IQSEC3: variants seen among roughly 807,000 people sequenced by gnomAD.
The protein encoded by IQSEC3 is IQ motif and SEC7 domain-containing protein 3.
IQSEC3 carries 50 observed loss-of-function variants against 105.4 expected under a neutral mutation model. That is an observed-to-expected ratio of 0.47 (90% confidence interval 0.38 to 0.60). The LOEUF is 0.60. Ranked by LOEUF, IQSEC3 falls within the 20% of genes least tolerant of loss-of-function variation. The pLI, the probability that IQSEC3 is intolerant of heterozygous loss-of-function variation, is 0.00. For missense variants in IQSEC3, 1,415 were observed against 1,630.0 expected (o/e 0.87, Z 2.27); for synonymous variants, 708 against 746.0 (o/e 0.95, Z 0.83).
chr12:76,950 G>A (rs1863556670), intron 1 of IQSEC3, among the ~76,000 whole-genome samples: 1 of 152,264 alleles, frequency 6.6e-6, no homozygotes, highest in Non-Finnish European at 1.5e-5. Flanking sequence ...CCCAGGCAGA[G>A]AGACAAGGGA....
intron 1 of IQSEC3, among the ~76,000 whole-genome samples, chr12:78,102 G>A (rs1863613956): frequency 6.6e-6 from 1 of 150,974 alleles, no homozygotes; most frequent in Non-Finnish European, 1.5e-5. Context: ...GAAGGGAAGC[G>A]CGGCCCGGGC....
chr12:132,719 C>T (rs1555085446), intron 3 of IQSEC3, among the ~76,000 whole-genome samples: 1 of 152,076 alleles, frequency 6.6e-6, no homozygotes, highest in Non-Finnish European at 1.5e-5. Flanking sequence ...AGGAAGTCAA[C>T]AAGAGCTGGT....
At chr12:99,040 CG>C in intron 1 of IQSEC3, 105 bp from the exon 2 acceptor site, 1 of 983,298 alleles carries the variant, frequency 1.0e-6, no homozygotes, top group Non-Finnish European at 1.5e-6. Context: ...CTCAAAAGGG[CG>C]GGGGTAGGAG....
intron 2 of IQSEC3, among the ~76,000 whole-genome samples, chr12:100,968 C>T (rs892975787): frequency 6.6e-6 from 1 of 152,178 alleles, no homozygotes; most frequent in Non-Finnish European, 1.5e-5. Context: ...CTAGAAACTG[C>T]CTTCCTTGGT....
intron 3 of IQSEC3, among the ~76,000 whole-genome samples, chr12:137,945 T>A (rs1865835268): frequency 6.6e-6 from 1 of 152,062 alleles, no homozygotes; most frequent in Non-Finnish European, 1.5e-5. Context: ...ACTGCAGGCC[T>A]GAGCTAATGC....
intron 7 of IQSEC3, 71 bp downstream of exon 7, chr12:157,765 CTG>C: frequency 6.7e-7 from 1 of 1,502,936 alleles, no homozygotes; most frequent in Admixed American, 1.9e-5. Context: ...ACCGTGCATT[CTG>C]TGAGTCTGAG....
chr12:86,009 A>G (rs1416336367), intron 1 of IQSEC3, among the ~76,000 whole-genome samples: 5 of 152,182 alleles, frequency 3.3e-5, no homozygotes, highest in African/African-American at 9.7e-5. Context: ...GTGCCAGGCT[A>G]TGTTCTGTAC....
chr12:75,934 TGAG>T (rs1396937906), intron 1 of IQSEC3, among the ~76,000 whole-genome samples: 1 of 152,104 alleles, frequency 6.6e-6, no homozygotes, highest in Non-Finnish European at 1.5e-5. Flanking sequence ...GGATGAGGGG[TGAG>T]GAGAAGACTG....
intron 2 of IQSEC3, among the ~76,000 whole-genome samples, chr12:106,192 G>A (rs372409209): frequency 5.9e-5 from 9 of 152,182 alleles, no homozygotes; most frequent in Admixed American, 5.9e-4. Context: ...CAGAGACAAC[G>A]AATGCCTTGA....
rs782144581 is a variant in IQSEC3, at chr12:125,849, G to T, written c.840G>T (p.Ala280=). 1.3e-6 allele frequency: 2 copies of T among 1,533,268 alleles called. No individual in the cohort carries two copies. Among genetic ancestry groups the T allele is most frequent in the South Asian group, 1.2e-5 (1 of 83,988 alleles). The allele number at this position is 1,533,268 out of a possible 1,614,324, so 95.0% of individuals were successfully genotyped here. The change falls in exon 3 of 14, where the codon GCG becomes GCT. Residue 280 remains alanine, a synonymous_variant. Transcript: ENST00000538872. The stretch of plus-strand genomic sequence containing the variant: ...GGCAGCAGCCTGCCCTGGCGACGGC[G>T]CTGTGCCCCCACGCCCCTGCCGCCT... ...PGRQQPALAT[A]LCPHAPAASD...
rs567819405 is a variant in IQSEC3 at position 176,808 on chromosome 12, T to C, written c.*1775T>C. 1.5e-4 allele frequency: 23 copies of C among 152,450 alleles called. No homozygotes were observed. Among genetic ancestry groups the C allele is most frequent in the African/African-American group, 5.5e-4 (23 of 41,546 alleles). The allele number at this position is 152,450 out of a possible 1,614,324, so 9.4% of individuals were successfully genotyped here. On this transcript the variant is annotated 3_prime_UTR_variant, in exon 14 of 14. Coordinates refer to ENST00000538872, the MANE Select transcript of IQSEC3 (RefSeq NM_001170738.2). The surrounding 1 kb of genome is among the most constrained non-coding windows in gnomAD (Gnocchi z 4.0). ...GCCCTCCTCTGTTTTCTGTAACAGA[T>C]GCTCCAGTCATTGCCTTTCAGAGTG...
intron 1 of IQSEC3, among the ~76,000 whole-genome samples, chr12:91,760 G>C (rs1009979159): frequency 6.6e-6 from 1 of 152,140 alleles, no homozygotes; most frequent in African/African-American, 2.4e-5. Flanking sequence ...CAGGCTGGGC[G>C]ATGGAGTGAG....
Position 138,469 on chromosome 12 carries a change from C to A in IQSEC3, c.1106C>A (p.Ala369Glu). ...GCCGAGAGCCTGGCGGCCGAGAAAG[C>A]GCTCATGGAGGGCTACGGCCTCGTG... The part of the protein sequence containing the change: ...PTAESLAAEK[A>E]LMEGYGLVGL... The change falls in exon 4 of 14, where the codon GCG becomes GAG. Residue 369 changes from alanine to glutamate, a missense_variant. By Grantham distance (107) the Ala-to-Glu change is moderately radical. This residue lies in a region of IQSEC3 where 720 missense variants were observed against 633.0 expected (regional missense o/e 1.14). Coordinates refer to ENST00000538872, the MANE Select transcript of IQSEC3 (RefSeq NM_001170738.2). The surrounding 1 kb of genome is among the most constrained non-coding windows in gnomAD (Gnocchi z 7.1). 1 of 1,600,606 alleles carries A rather than the reference C, an allele frequency of 6.2e-7. No homozygotes were observed. The highest frequency in any genetic ancestry group is 8.5e-7 in the Non-Finnish European group (1 of 1,178,212).
At chr12:126,105 G>A (rs1865396294) in intron 3 of IQSEC3, among the ~76,000 whole-genome samples, 193 bp downstream of exon 3, 2 of 152,200 alleles carry the variant, frequency 1.3e-5, no homozygotes, top group Non-Finnish European at 2.9e-5. Context: ...TTCTACCATG[G>A]CAGGGCTCAT....
chr12:69,605 A>G (rs571465109), intron 1 of IQSEC3, among the ~76,000 whole-genome samples: 6 of 152,372 alleles, frequency 3.9e-5, no homozygotes, highest in Non-Finnish European at 7.3e-5. Context: ...CTGCTCCCCA[A>G]TCCTGCACAC....
At chr12:78,913 C>T (rs1162665019) in intron 1 of IQSEC3, among the ~76,000 whole-genome samples, 1 of 152,018 alleles carries the variant, frequency 6.6e-6, no homozygotes, top group East Asian at 1.9e-4. Context: ...GGCCTCACCA[C>T]CCCCCACCCT....
At position 165,942 on chromosome 12, in the gene IQSEC3, G is replaced by A. The variant is rs1867154833; in HGVS notation, c.2971+52G>A. On this transcript the variant is annotated intron_variant, in intron 11 of 13. Transcript: ENST00000538872. ...TGGTGGGGGTTCCCATTCAGCAAGGGACAGGGGCAGCTTGAGACAGACATG... is the reference window on the plus strand; with the variant it reads ...TGGTGGGGGTTCCCATTCAGCAAGGAACAGGGGCAGCTTGAGACAGACATG... The A allele has an allele frequency of 1.3e-5, 20 of 1,589,730 alleles. No individual in the cohort carries two copies. In the East Asian group the frequency reaches 4.5e-4, roughly 36 times the overall value.
chr12:175,018 A>G lies in IQSEC3; in HGVS notation c.3534A>G (p.Ser1178=). The change falls in exon 14 of 14, where the codon TCA becomes TCG. Residue 1178 remains serine, a synonymous_variant. Coordinates refer to ENST00000538872, the MANE Select transcript of IQSEC3 (RefSeq NM_001170738.2). ...ACGGGCACCGCTACTCCAGTGGCTC[A>G]AGGAGCCTGGTGTAGACTCTGCCCC... ...LLHGHRYSSG[S]RSLV 6.5e-7 allele frequency: 1 copy of G among 1,549,888 alleles called. No individual in the cohort carries two copies. Among genetic ancestry groups the G allele is most frequent in the South Asian group, 1.2e-5 (1 of 82,854 alleles).
At position 78,017 on chromosome 12, in the gene IQSEC3, C is replaced by G. The variant is rs1265345499; in HGVS notation, c.554+10581C>G. On this transcript the variant is annotated intron_variant, in intron 1 of 13. Coordinates refer to ENST00000538872, the MANE Select transcript of IQSEC3 (RefSeq NM_001170738.2). ...GGCGGCGAGGACCTGCACCCCGGCG[C>G]GGGGAAGCCGCGTGCCCACAGCCTC... Among the ~76,000 whole-genome samples, 4 of 151,512 alleles carry G rather than the reference C, an allele frequency of 2.6e-5. No individual in the cohort carries two copies. The East Asian group carries it at 7.8e-4, about 30-fold the overall frequency.
Sources: allele counts gnomAD v4.1 joint callset (sites outside exome capture counted in the v4.1 genomes callset), GRCh38; gene constraint gnomAD v4.1.1; regional missense constraint gnomAD v4.1.1; non-coding constraint Gnocchi (gnomAD v3.1); transcripts MANE v1.5; gene names NCBI Gene and HGNC (gene_info 2026-07-23, HGNC 2026-07-21).